DGKI: variants seen among roughly 807,000 people sequenced by gnomAD.
DGKI encodes the protein DAG kinase iota.
DGKI carries 55 observed loss-of-function variants against 147.5 expected under a neutral mutation model. The observed-to-expected ratio is 0.37, with a 90% CI of 0.30 to 0.47. The LOEUF (loss-of-function observed/expected upper bound fraction) is 0.47. Among genes scored for constraint, DGKI ranks in the 20% least tolerant of loss-of-function variants. The probability of loss-of-function intolerance (pLI) is 1.00; values close to 1 mark genes in which losing one functional copy is unlikely to be tolerated. For missense variants in DGKI, 1,007 were observed against 1,323.8 expected, an observed-to-expected ratio of 0.76 and a Z score of 3.71; for synonymous variants, 469 against 477.1, an observed-to-expected ratio of 0.98 and a Z score of 0.22.
Position 137,382,975 on chromosome 7 carries a change from T to C in DGKI, c.*8245A>G, listed in dbSNP as rs944770291. 2.6e-5 allele frequency: 4 copies of C among 151,892 alleles called. No homozygotes were observed. Among genetic ancestry groups the C allele is most frequent in the African/African-American group, 9.7e-5 (4 of 41,394 alleles). The allele number at this position is 151,892 out of a possible 1,614,324, so 9.4% of individuals were successfully genotyped here. On this transcript the variant is annotated 3_prime_UTR_variant, in exon 33 of 33. Transcript: ENST00000614521. ...TGACAGAAACATTAGTCTACTGATA[T>C]GGGGTTAAGTCTTGTTTCATGACAC... is the stretch of plus-strand genomic sequence containing the variant.
intron 1 of DGKI, among the ~76,000 whole-genome samples, chr7:137,782,304 G>A (rs1796542688): frequency 1.3e-5 from 2 of 152,046 alleles, no homozygotes; most frequent in Non-Finnish European, 2.9e-5. Flanking sequence ...GTGGACGATG[G>A]GTGAGGCCTG....
intron 28 of DGKI, among the ~76,000 whole-genome samples, chr7:137,426,193 C>T (rs1458822945): frequency 4.6e-5 from 7 of 152,164 alleles, no homozygotes; most frequent in East Asian, 1.9e-4. Context: ...AGACTAACAG[C>T]GGATCTCTGG....
At chr7:137,742,965 G>T (rs961712360) in intron 1 of DGKI, among the ~76,000 whole-genome samples, 6 of 152,148 alleles carry the variant, frequency 3.9e-5, no homozygotes, top group Non-Finnish European at 7.4e-5. Flanking sequence ...AAACAAAAAA[G>T]AGCAGGAGTC....
intron 27 of DGKI, among the ~76,000 whole-genome samples, chr7:137,452,646 C>T (rs1814017121): frequency 6.6e-6 from 1 of 152,182 alleles, no homozygotes; most frequent in Non-Finnish European, 1.5e-5. Context: ...AGCAAAAAGA[C>T]CACTTTCTAT....
At chr7:137,792,779 CCT>C (rs1023044131) in intron 1 of DGKI, among the ~76,000 whole-genome samples, 1 of 152,146 alleles carries the variant, frequency 6.6e-6, no homozygotes, top group African/African-American at 2.4e-5. Flanking sequence ...TTGGCATCTC[CCT>C]CTTTCACCAT....
At chr7:137,616,100 A>C (rs958168245) in intron 8 of DGKI, among the ~76,000 whole-genome samples, 1 of 152,168 alleles carries the variant, frequency 6.6e-6, no homozygotes, top group Non-Finnish European at 1.5e-5. Flanking sequence ...CTACAGAAAG[A>C]TAGTGAGGCA....
intron 28 of DGKI, among the ~76,000 whole-genome samples, chr7:137,415,625 G>A (rs1181206773): frequency 1.3e-5 from 2 of 152,184 alleles, no homozygotes; most frequent in Admixed American, 1.3e-4. Flanking sequence ...AGAAGGTTAG[G>A]AAAGTTGCAT....
At chr7:137,742,766 T>C (rs916344230) in intron 1 of DGKI, among the ~76,000 whole-genome samples, 4 of 152,130 alleles carry the variant, frequency 2.6e-5, no homozygotes, top group African/African-American at 9.7e-5. Flanking sequence ...ATTGTGTGAG[T>C]GGGTTAACAG....
intron 10 of DGKI, among the ~76,000 whole-genome samples, chr7:137,602,243 A>G (rs889427615): frequency 3.9e-5 from 6 of 152,210 alleles, no homozygotes; most frequent in African/African-American, 1.4e-4. Context: ...AGTAGAGTGC[A>G]CAGCTCAGCT....
chr7:137,728,491 C>T (rs749116121), intron 1 of DGKI, among the ~76,000 whole-genome samples: 6 of 152,140 alleles, frequency 3.9e-5, no homozygotes, highest in Non-Finnish European at 8.8e-5. Context: ...CATTCTCCTC[C>T]TACTTGGGAA....
At chr7:137,598,690 GT>G (rs547666796) in intron 11 of DGKI, among the ~76,000 whole-genome samples, 1 of 151,996 alleles carries the variant, frequency 6.6e-6, no homozygotes, top group African/African-American at 2.4e-5. Flanking sequence ...ACAAAATATG[GT>G]TTTTTTCTGA....
intron 23 of DGKI, among the ~76,000 whole-genome samples, chr7:137,471,638 T>C (rs374343797): frequency 6.6e-6 from 1 of 152,062 alleles, no homozygotes; most frequent in Non-Finnish European, 1.5e-5. Context: ...TGAGGATGTA[T>C]GTGAAAGAAC....
Position 137,479,338 on chromosome 7 carries a change from CTCTTA to C in DGKI, c.2373+6031_2373+6035del, listed in dbSNP as rs140374198. On this transcript the variant is annotated intron_variant, in intron 23 of 32. Coordinates refer to ENST00000614521, the MANE Select transcript of DGKI (RefSeq NM_001321708.2). ...CAAAAATCCCTGATACGTGAATCTT[CTCTTA>C]TGATATATATTAATGGAAAATACGT... Among the ~76,000 whole-genome samples, 1,436 of 152,204 alleles carry C rather than the reference CTCTTA, an allele frequency of 9.4e-3. 22 individuals carry two copies. Among genetic ancestry groups the C allele is most frequent in the African/African-American group, 0.032 (1,347 of 41,508 alleles).
rs761323498 is a variant in DGKI at position 137,391,244 on chromosome 7, A to G, written c.3150T>C (p.His1050=). The G allele has an allele frequency of 6.2e-7, 1 of 1,613,976 alleles. No homozygotes were observed. The highest frequency in any genetic ancestry group is 8.5e-7 in the Non-Finnish European group (1 of 1,179,922). Residue 1050 remains histidine, a synonymous_variant, in exon 33 of 33, where the codon CAT becomes CAC. Coordinates refer to ENST00000614521, the MANE Select transcript of DGKI (RefSeq NM_001321708.2). ...ESRQNYKVIG[H]EDLETAV ...GTCAAACAGCAGTTTCCAGGTCCTCATGGCCAATGACCTTATAGTTCTGAC... is the reference window on the plus strand; with the variant it reads ...GTCAAACAGCAGTTTCCAGGTCCTCGTGGCCAATGACCTTATAGTTCTGAC...
At chr7:137,505,970 G>C (rs1038799459) in intron 21 of DGKI, among the ~76,000 whole-genome samples, 8 of 152,194 alleles carry the variant, frequency 5.3e-5, no homozygotes, top group South Asian at 2.1e-4. Flanking sequence ...AATGCTGGTG[G>C]GGATGTGGAG....
intron 20 of DGKI, among the ~76,000 whole-genome samples, chr7:137,545,572 A>G (rs1048163054): frequency 3.3e-5 from 5 of 152,184 alleles, no homozygotes; most frequent in Admixed American, 3.3e-4. Flanking sequence ...CTTATCTCTG[A>G]GCCGTAAGTA....
Position 137,407,984 on chromosome 7 carries a change from G to C in DGKI, c.2811C>G (p.Ser937Arg). The C allele has an allele frequency of 6.4e-7, 1 of 1,562,854 alleles. No homozygotes were observed. The highest frequency in any genetic ancestry group is 8.6e-7 in the Non-Finnish European group (1 of 1,161,846). Residue 937 changes from serine to arginine, a missense_variant, in exon 30 of 33, where the codon AGC becomes AGG. This residue lies in a region of DGKI where 385 missense variants were observed against 445.2 expected (regional missense o/e 0.86). Coordinates refer to ENST00000614521, the MANE Select transcript of DGKI (RefSeq NM_001321708.2). ...TTAGCAGACTGCCTCCATTTTTATA[G>C]CTTTCTATTAGCTGCAAAGAGAGAC... ...IAGDLMKLIE[S>R]YKNGGSLLIQ...
intron 1 of DGKI, among the ~76,000 whole-genome samples, chr7:137,715,181 G>A (rs1206092021): frequency 6.6e-6 from 1 of 152,124 alleles, no homozygotes; most frequent in Non-Finnish European, 1.5e-5. Context: ...GATCTAAATG[G>A]TACGGGTAGA....
At chr7:137,767,441 T>C (rs182590233) in intron 1 of DGKI, among the ~76,000 whole-genome samples, 13 of 129,504 alleles carry the variant, frequency 1.0e-4, no homozygotes, top group African/African-American at 3.9e-4. Flanking sequence ...ACAACTTCCA[T>C]CTAATAAGAG....
Sources: gnomAD v4.1 joint callset for allele counts (sites outside exome capture counted in the v4.1 genomes callset) on GRCh38, gnomAD v4.1.1 for gene constraint, gnomAD v4.1.1 regional missense constraint, MANE v1.5 for transcripts, NCBI Gene and HGNC (gene_info 2026-07-23, HGNC 2026-07-21) for gene names.